Variants in UBE2K observed in about 807,000 individuals in gnomAD.
UBE2K encodes the protein ubiquitin conjugating enzyme E2 K.
UBE2K carries 6 observed loss-of-function variants against 30.0 expected under a neutral mutation model. The ratio of observed to expected loss-of-function variants is 0.20; its 90% CI spans 0.11 to 0.39. UBE2K has a LOEUF of 0.39. Ranked by LOEUF, UBE2K falls within the 10% of genes least tolerant of loss-of-function variation. The pLI is 1.00. For synonymous variants in UBE2K, 86 were observed against 83.7 expected (o/e 1.03, Z -0.15); for missense variants, 61 against 241.6 (o/e 0.25, Z 4.96).
chr4:39,699,308 A>T (rs1281244712), intron 1 of UBE2K, among the ~76,000 whole-genome samples: 2 of 151,370 alleles, frequency 1.3e-5, no homozygotes, highest in East Asian at 3.8e-4. Context: ...AGTTAACTTG[A>T]TTCTTACTTT....
intron 4 of UBE2K, among the ~76,000 whole-genome samples, chr4:39,769,768 T>A (rs1326242305): frequency 1.3e-5 from 2 of 149,638 alleles, no homozygotes; most frequent in African/African-American, 4.9e-5. Flanking sequence ...CTTCCCTCGT[T>A]CTATAGGACC....
intron 1 of UBE2K, among the ~76,000 whole-genome samples, chr4:39,730,538 G>C (rs1720012648): frequency 6.6e-6 from 1 of 151,988 alleles, no homozygotes; most frequent in African/African-American, 2.4e-5. Flanking sequence ...GGGAGGCTGA[G>C]GCTGGTAGAT....
intron 1 of UBE2K, among the ~76,000 whole-genome samples, chr4:39,732,154 TTG>T (rs1720108015): frequency 6.6e-6 from 1 of 152,212 alleles, no homozygotes; most frequent in African/African-American, 2.4e-5. Flanking sequence ...GTGGCAGGCA[TTG>T]TTCTATATAC....
chr4:39,712,156 A>G (rs529722887), intron 1 of UBE2K, among the ~76,000 whole-genome samples: 2 of 139,594 alleles, frequency 1.4e-5, no homozygotes, highest in East Asian at 4.1e-4. Context: ...ATGGAGTCTC[A>G]CTCTGTTGCC....
At chr4:39,738,935 A>G (rs1243740181) in intron 2 of UBE2K, among the ~76,000 whole-genome samples, 1 of 152,136 alleles carries the variant, frequency 6.6e-6, no homozygotes, top group Admixed American at 6.6e-5. Flanking sequence ...TTGGCCTCCC[A>G]AAGTGTTAGG....
chr4:39,721,818 G>A (rs533739849), intron 1 of UBE2K, among the ~76,000 whole-genome samples: 97 of 152,178 alleles, frequency 6.4e-4, no homozygotes, highest in African/African-American at 2.3e-3. Flanking sequence ...GTTGGGCATG[G>A]TGGCTCACTC....
Position 39,780,033 on chromosome 4 carries a change from A to C in UBE2K, c.*1599A>C, listed in dbSNP as rs1226357308. On this transcript the variant is annotated 3_prime_UTR_variant, in exon 7 of 7. Coordinates refer to ENST00000261427, the MANE Select transcript of UBE2K (RefSeq NM_005339.5). Reference sequence around the variant, plus strand: ...TAAAGATGTGAAGGTTCTTCCAAAAATTTGTAAGGCTTTCCTAATTAACAG... The same window carrying C: ...TAAAGATGTGAAGGTTCTTCCAAAACTTTGTAAGGCTTTCCTAATTAACAG... 1 of 152,184 alleles carries C rather than the reference A, an allele frequency of 6.6e-6. No individual in the cohort carries two copies. The highest frequency in any genetic ancestry group is 1.5e-5 in the Non-Finnish European group (1 of 68,006). 9.4% of individuals were successfully genotyped at this position (152,184 alleles called of 1,614,324 possible).
intron 4 of UBE2K, among the ~76,000 whole-genome samples, chr4:39,762,992 T>C (rs1273312690): frequency 1.6e-5 from 2 of 126,220 alleles, no homozygotes; most frequent in Non-Finnish European, 1.6e-5. Context: ...TGGAGTACAA[T>C]GGTGCAATCT....
At chr4:39,706,162 C>T (rs922856870) in intron 1 of UBE2K, among the ~76,000 whole-genome samples, 4 of 152,200 alleles carry the variant, frequency 2.6e-5, no homozygotes, top group East Asian at 3.9e-4. Context: ...CAGGCGTCCA[C>T]GACCACTCCC....
intron 4 of UBE2K, among the ~76,000 whole-genome samples, chr4:39,769,877 G>A (rs1192920754): frequency 1.3e-5 from 2 of 151,956 alleles, no homozygotes; most frequent in African/African-American, 2.4e-5. Context: ...CCTGTCCCCC[G>A]CTCCAGCTTC....
At chr4:39,719,265 C>A (rs2109324605) in intron 1 of UBE2K, among the ~76,000 whole-genome samples, 1 of 152,244 alleles carries the variant, frequency 6.6e-6, no homozygotes, top group Admixed American at 6.5e-5. Flanking sequence ...AAAATACCAC[C>A]CCTGGTAAGC....
chr4:39,752,784 T>G (rs1164649617), intron 3 of UBE2K, among the ~76,000 whole-genome samples: 1 of 152,184 alleles, frequency 6.6e-6, no homozygotes, highest in African/African-American at 2.4e-5. Flanking sequence ...ATCTGAAACT[T>G]TTTGAGTGTT....
intron 4 of UBE2K, chr4:39,770,079 GGCTAGCGGA>G: frequency 6.5e-7 from 1 of 1,541,332 alleles, no homozygotes; most frequent in Non-Finnish European, 8.7e-7. Flanking sequence ...ACGCCTGCGC[GGCTAGCGGA>G]TGAGGACATT....
chr4:39,722,597 A>C (rs902101398), intron 1 of UBE2K, among the ~76,000 whole-genome samples: 2 of 152,214 alleles, frequency 1.3e-5, no homozygotes, highest in Non-Finnish European at 2.9e-5. Context: ...ATGCTGGTAC[A>C]GTTTAACCAT....
intron 6 of UBE2K, 53 bp from the exon 7 acceptor site, chr4:39,778,307 T>G (rs1713399814): frequency 8.5e-7 from 1 of 1,171,330 alleles, no homozygotes; most frequent in African/African-American, 1.5e-5. Flanking sequence ...GATTCAGTAT[T>G]GTTTAAATGT....
rs1017368338 is a variant in UBE2K at position 39,762,940 on chromosome 4, T to G, written c.299+7201T>G. On this transcript the variant is annotated intron_variant, in intron 4 of 6. Coordinates refer to ENST00000261427, the MANE Select transcript of UBE2K (RefSeq NM_005339.5). ...CACGCACCCGGCCAAAAAACACTTT[T>G]TTTTTTTTTTTTTTTTTTTTTTTGG... 3.9e-5 allele frequency among the ~76,000 whole-genome samples: 5 copies of G among 126,756 alleles called. No homozygotes were observed. In the East Asian group the frequency reaches 6.6e-4, roughly 17 times the overall value. The allele number at this position is 126,756 out of a possible 152,430, so 83.2% of individuals were successfully genotyped here.
intron 1 of UBE2K, among the ~76,000 whole-genome samples, chr4:39,715,057 A>T (rs1578426200): frequency 7.5e-6 from 1 of 132,934 alleles, no homozygotes; most frequent in South Asian, 2.4e-4. Context: ...ACGGAGTCTC[A>T]CTCTGTCACC....
chr4:39,726,374 C>T (rs2109334587), intron 1 of UBE2K, among the ~76,000 whole-genome samples: 1 of 152,114 alleles, frequency 6.6e-6, no homozygotes, highest in Admixed American at 6.5e-5. Context: ...GATATCATCA[C>T]CCAGTTGCTT....
chr4:39,775,220 A>G (rs1425114369), intron 5 of UBE2K, among the ~76,000 whole-genome samples: 1 of 152,174 alleles, frequency 6.6e-6, no homozygotes, highest in African/African-American at 2.4e-5. Context: ...AGATTCTATG[A>G]TTAATGCTCG....
Sources: allele counts gnomAD v4.1 joint callset (sites outside exome capture counted in the v4.1 genomes callset), GRCh38; gene constraint gnomAD v4.1.1; transcripts MANE v1.5; gene names NCBI Gene and HGNC (gene_info 2026-07-23, HGNC 2026-07-21).